Variants in DMXL1 observed in about 807,000 individuals in gnomAD.
DMXL1 encodes dmX-like protein 1.
DMXL1 carries 99 observed loss-of-function variants against 319.2 expected under a neutral mutation model. The ratio of observed to expected loss-of-function variants is 0.31; its 90% confidence interval spans 0.26 to 0.37. The LOEUF (loss-of-function observed/expected upper bound fraction) is 0.37, where lower values mean the gene tolerates loss of function less well. Among genes scored for constraint, DMXL1 ranks in the 10% least tolerant of loss-of-function variants. The probability of loss-of-function intolerance (pLI) is 1.00; values close to 1 mark genes in which losing one functional copy is unlikely to be tolerated. For synonymous variants in DMXL1, 1,385 were observed against 1,235.2 expected (o/e 1.12, Z -2.54); for missense variants, 3,745 against 3,595.6 (o/e 1.04, Z -1.06).
At chr5:119,215,008 G>A (rs1783433932) in intron 34 of DMXL1, among the ~76,000 whole-genome samples, 1 of 152,150 alleles carries the variant, frequency 6.6e-6, no homozygotes, top group South Asian at 2.1e-4. Context: ...AGGCAGATTG[G>A]TGGGTAAGTT....
At chr5:119,132,186 A>C (rs985896648) in intron 10 of DMXL1, among the ~76,000 whole-genome samples, 3 of 152,112 alleles carry the variant, frequency 2.0e-5, no homozygotes, top group African/African-American at 7.2e-5. Context: ...TAAATAAGAA[A>C]AGGCTCTACA....
chr5:119,118,548 T>G (rs1433428139), intron 7 of DMXL1, among the ~76,000 whole-genome samples: 1 of 151,924 alleles, frequency 6.6e-6, no homozygotes, highest in Non-Finnish European at 1.5e-5. Flanking sequence ...TCCAGGAGTT[T>G]GAGAGCACCC....
At chr5:119,232,010 GCC>G (rs1272596149) in intron 38 of DMXL1, among the ~76,000 whole-genome samples, 1 of 151,874 alleles carries the variant, frequency 6.6e-6, no homozygotes, top group Non-Finnish European at 1.5e-5. Context: ...TCATTATGTT[GCC>G]CAGGCAGGAG....
At chr5:119,099,670 T>C (rs923178721) in intron 2 of DMXL1, among the ~76,000 whole-genome samples, 1 of 152,184 alleles carries the variant, frequency 6.6e-6, no homozygotes, top group Non-Finnish European at 1.5e-5. Context: ...ATATGAGCTA[T>C]CTTTTTGTGA....
intron 1 of DMXL1, among the ~76,000 whole-genome samples, chr5:119,084,163 C>G (rs979158086): frequency 1.3e-5 from 2 of 151,970 alleles, no homozygotes; most frequent in African/African-American, 4.8e-5. Context: ...TGCTGTTGCC[C>G]AGGCTGGAGT....
chr5:119,097,846 T>G (rs971075481), intron 1 of DMXL1, 133 bp from the exon 2 acceptor site: 1 of 818,624 alleles, frequency 1.2e-6, no homozygotes, highest in Non-Finnish European at 1.8e-6. Flanking sequence ...ATTTTTTTTT[T>G]AAGAAAACAC....
At chr5:119,237,447 T>G in intron 40 of DMXL1, 33 bp downstream of exon 40, 1 of 1,370,052 alleles carries the variant, frequency 7.3e-7, no homozygotes, top group South Asian at 1.2e-5. Flanking sequence ...TAAATAAAAT[T>G]TGAATTTTCA....
intron 13 of DMXL1, among the ~76,000 whole-genome samples, chr5:119,140,981 T>C (rs1767193969): frequency 6.6e-6 from 1 of 151,992 alleles, no homozygotes; most frequent in South Asian, 2.1e-4. Flanking sequence ...ATTTATCACA[T>C]AAGGAGAACT....
At chr5:119,086,748 T>G (rs1753462564) in intron 1 of DMXL1, among the ~76,000 whole-genome samples, 1 of 152,192 alleles carries the variant, frequency 6.6e-6, no homozygotes, top group African/African-American at 2.4e-5. Context: ...GTTGAGGTTT[T>G]GAATTTTTTT....
At chr5:119,160,461 C>G (rs1446770660) in intron 19 of DMXL1, among the ~76,000 whole-genome samples, 1 of 152,146 alleles carries the variant, frequency 6.6e-6, no homozygotes, top group Non-Finnish European at 1.5e-5. Context: ...AACACAGTAT[C>G]TATTCTGGGG....
Position 119,098,046 on chromosome 5 carries a change from G to T in DMXL1, c.155G>T (p.Gly52Val). ...SDFERLQIIP[G>V]AKHGNIQVGC... ...TTTGAAAGATTACAGATAATCCCAGGAGCTAAACATGGAAATATTCAAGTG... is the reference window on the plus strand; with the variant it reads ...TTTGAAAGATTACAGATAATCCCAGTAGCTAAACATGGAAATATTCAAGTG... The change falls in exon 2 of 44, where the codon GGA becomes GTA. Residue 52 changes from glycine (G) to valine (V), a missense_variant. Physicochemically the swap from Gly to Val is moderately radical, Grantham distance 109. Around this residue, in one of 4 missense-constraint regions of DMXL1, gnomAD observed 2,096 missense variants for 1,985.4 expected, o/e 1.06. Coordinates refer to ENST00000539542, the MANE Select transcript of DMXL1 (RefSeq NM_001290321.3). 1 of 1,609,158 alleles carries T rather than the reference G, an allele frequency of 6.2e-7. No homozygotes were observed. The highest frequency in any genetic ancestry group is 8.5e-7 in the Non-Finnish European group (1 of 1,178,714).
chr5:119,149,049 T>C lies in DMXL1; in HGVS notation c.3222T>C (p.Phe1074=). 6.2e-7 allele frequency: 1 copy of C among 1,613,974 alleles called. No individual in the cohort carries two copies. Among genetic ancestry groups the C allele is most frequent in the East Asian group, 2.2e-5 (1 of 44,868 alleles). The change falls in exon 18 of 44, where the codon TTT becomes TTC. Residue 1074 remains phenylalanine (F), a synonymous_variant. Transcript: ENST00000539542. ...PASNSRSSQD[F]VMHVSIFECE... ...CTAATAGTAGATCTTCCCAGGACTTTGTGATGCATGTAAGTATTTTTGAAT... is the reference window on the plus strand; with the variant it reads ...CTAATAGTAGATCTTCCCAGGACTTCGTGATGCATGTAAGTATTTTTGAAT...
chr5:119,202,109 A>G (rs982884884), intron 32 of DMXL1, among the ~76,000 whole-genome samples: 2 of 151,940 alleles, frequency 1.3e-5, no homozygotes, highest in Admixed American at 1.3e-4. Context: ...ATCTTCTGCT[A>G]GCTTTGGGGT....
chr5:119,133,282 A>C lies in DMXL1; in HGVS notation c.1466A>C (p.Asn489Thr). The change falls in exon 11 of 44, where the codon AAT becomes ACT. Residue 489 changes from asparagine to threonine, a missense_variant. This residue lies in a region of DMXL1 where 2,096 missense variants were observed against 1,985.4 expected (regional missense o/e 1.06). Transcript: ENST00000539542. ...GTACTTCTGTCTGAATGGAGTAAAA[A>C]TGCAGATATGCTATTTAGTATTCAT... ...IEVLLSEWSKNADMLFSIHPM... is the reference protein window; with the variant it reads ...IEVLLSEWSKTADMLFSIHPM... 6.2e-7 allele frequency: 1 copy of C among 1,614,132 alleles called. No individual in the cohort carries two copies. Among genetic ancestry groups the C allele is most frequent in the East Asian group, 2.2e-5 (1 of 44,872 alleles).
At chr5:119,197,641 C>T in intron 31 of DMXL1, 114 bp from the exon 32 acceptor site, 1 of 946,650 alleles carries the variant, frequency 1.1e-6, no homozygotes, top group Non-Finnish European at 1.6e-6. Flanking sequence ...TATTTCATCT[C>T]AGTCTTTTTT....
intron 9 of DMXL1, among the ~76,000 whole-genome samples, chr5:119,123,730 A>G: frequency 6.3e-5 from 1 of 15,902 alleles, no homozygotes; most frequent in African/African-American, 2.5e-4. Context: ...TCTTGGCCTC[A>G]AGCAATCTTC....
At chr5:119,186,930 T>TG (rs1160542753) in intron 28 of DMXL1, among the ~76,000 whole-genome samples, 1 of 81,730 alleles carries the variant, frequency 1.2e-5, no homozygotes, top group Non-Finnish European at 2.5e-5. Flanking sequence ...TGTCGTGGGG[T>TG]GGGGGGATGG....
intron 19 of DMXL1, among the ~76,000 whole-genome samples, chr5:119,162,985 ATTTAC>A (rs1490110190): frequency 6.6e-6 from 1 of 152,226 alleles, no homozygotes; most frequent in Non-Finnish European, 1.5e-5. Flanking sequence ...ATAATTAATC[ATTTAC>A]TTTACCTAGT....
chr5:119,150,934 C>T (rs1433456131), intron 18 of DMXL1, among the ~76,000 whole-genome samples: 1 of 151,112 alleles, frequency 6.6e-6, no homozygotes, highest in Non-Finnish European at 1.5e-5. Flanking sequence ...GTACTATGAG[C>T]GAGTGCACAA....
Sources: allele counts gnomAD v4.1 joint callset (sites outside exome capture counted in the v4.1 genomes callset), GRCh38; gene constraint gnomAD v4.1.1; regional missense constraint gnomAD v4.1.1; transcripts MANE v1.5; gene names NCBI Gene and HGNC (gene_info 2026-07-23, HGNC 2026-07-21).